The following GPR62 variants were observed in gnomAD, a reference collection of about 807,000 sequenced individuals.
The protein encoded by GPR62 is G protein-coupled receptor 62.
For missense variants in GPR62, 513 were observed against 541.5 expected (o/e 0.95, Z 0.52); for synonymous variants, 280 against 286.9 (o/e 0.98, Z 0.24).
chr3:51,956,425 G>T lies in GPR62; in HGVS notation c.773G>T (p.Gly258Val). ...TTTGCAGCCTGCTGGCTGCCTTATG[G>T]CTGCGCGTGCCTGGCGCCCGCAGCG... ...GQFAACWLPYGCACLAPAARA... is the reference protein window; with the variant it reads ...GQFAACWLPYVCACLAPAARA... The change falls in exon 1 of 1, where the codon GGC becomes GTC. Residue 258 changes from glycine (G) to valine (V), a missense_variant. Gly to Val is a moderately radical substitution (Grantham distance 109). Transcript: ENST00000322241. 1 of 1,528,122 alleles carries T rather than the reference G, an allele frequency of 6.5e-7. No homozygotes were observed. The highest frequency in any genetic ancestry group is 8.7e-7 in the Non-Finnish European group (1 of 1,145,044). The allele number at this position is 1,528,122 out of a possible 1,614,324, so 94.7% of individuals were successfully genotyped here.
chr3:51,956,162 G>T lies in GPR62; in HGVS notation c.510G>T (p.Gly170=). The change falls in exon 1 of 1, where the codon GGG becomes GGT. Residue 170 remains glycine (G), a synonymous_variant. Transcript: ENST00000322241. ...ARCSVLAGGL[G]PFRPLWALLA... is the part of the protein sequence containing the mutation. ...GCTCGGTCCTGGCTGGGGGCCTCGG[G>T]CCCTTCCGGCCGCTCTGGGCCCTGC... 6.8e-7 allele frequency: 1 copy of T among 1,478,172 alleles called. No individual in the cohort carries two copies. The allele number at this position is 1,478,172 out of a possible 1,614,324, so 91.6% of individuals were successfully genotyped here.
chr3:51,957,111 G>A lies in GPR62; in HGVS notation c.*352G>A, dbSNP rs369873104. On this transcript the variant is annotated 3_prime_UTR_variant, in exon 1 of 1. Coordinates refer to ENST00000322241, the MANE Select transcript of GPR62 (RefSeq NM_080865.4). ...TAAGGGCTCACAACCAAAGTGATCC[G>A]CCAAGCAGGGCAGTATCTGGGTTAC... The A allele has an allele frequency of 3.5e-5, 10 of 288,594 alleles. No individual in the cohort carries two copies. The South Asian group carries it at 4.2e-4, about 12-fold the overall frequency. 17.9% of individuals were successfully genotyped at this position (288,594 alleles called of 1,614,324 possible). A position where few individuals can be genotyped will look rare whatever the true frequency, so the allele number is the denominator to read the frequency against.
rs747162776 is a variant in GPR62 at position 51,955,868 on chromosome 3, C to T, written c.216C>T (p.Ala72=). 43 of 1,418,274 alleles carry T rather than the reference C, an allele frequency of 3.0e-5. No individual in the cohort carries two copies. The African/African-American group carries it at 5.9e-4, about 19-fold the overall frequency. The allele number at this position is 1,418,274 out of a possible 1,614,324, so 87.9% of individuals were successfully genotyped here. The stretch of plus-strand genomic sequence containing the variant: ...CCATCATGCCGCTGGGCCTGCTGGC[C>T]GCACCGCCGCCCGGGCTGGGCCGCG... The part of the protein sequence containing the change: ...AASIMPLGLL[A]APPPGLGRVR... The change falls in exon 1 of 1, where the codon GCC becomes GCT. Residue 72 remains alanine, a synonymous_variant. Transcript: ENST00000322241.
rs1261478243 is a variant in GPR62 at position 51,956,491 on chromosome 3, A to T, written c.839A>T (p.Tyr280Phe). ...GAAGCGGCTGTCACCTGGGTCGCCTACTCGGCCTTCGCGGCTCACCCCTTC... is the reference window on the plus strand; with the variant it reads ...GAAGCGGCTGTCACCTGGGTCGCCTTCTCGGCCTTCGCGGCTCACCCCTTC... ...EAEAAVTWVAYSAFAAHPFLY... is the reference protein window; with the variant it reads ...EAEAAVTWVAFSAFAAHPFLY... The change falls in exon 1 of 1, where the codon TAC becomes TTC. Residue 280 changes from tyrosine (Y) to phenylalanine (F), a missense_variant. Tyr to Phe is a conservative substitution (Grantham distance 22, BLOSUM62 3). Transcript: ENST00000322241. 9 of 1,582,184 alleles carry T rather than the reference A, an allele frequency of 5.7e-6. No individual in the cohort carries two copies.
chr3:51,955,873 C>G lies in GPR62; in HGVS notation c.221C>G (p.Pro74Arg). 7.1e-7 allele frequency: 1 copy of G among 1,406,118 alleles called. No individual in the cohort carries two copies. The highest frequency in any genetic ancestry group is 9.2e-7 in the Non-Finnish European group (1 of 1,089,098). 87.1% of individuals were successfully genotyped at this position (1,406,118 alleles called of 1,614,324 possible). Residue 74 changes from proline to arginine, a missense_variant, in exon 1 of 1, where the codon CCG becomes CGG. Coordinates refer to ENST00000322241, the MANE Select transcript of GPR62 (RefSeq NM_080865.4). ...SIMPLGLLAA[P>R]PPGLGRVRLG... ...ATGCCGCTGGGCCTGCTGGCCGCAC[C>G]GCCGCCCGGGCTGGGCCGCGTGCGC...
Position 51,955,936 on chromosome 3 carries a change from C to A in GPR62, c.284C>A (p.Ser95Tyr). The A allele has an allele frequency of 7.2e-7, 1 of 1,394,752 alleles. No individual in the cohort carries two copies. Among genetic ancestry groups the A allele is most frequent in the Non-Finnish European group, 9.3e-7 (1 of 1,072,710 alleles). The allele number at this position is 1,394,752 out of a possible 1,614,324, so 86.4% of individuals were successfully genotyped here. A position where few individuals can be genotyped will look rare whatever the true frequency, so the allele number is the denominator to read the frequency against. ...PAPCRAARFL[S>Y]AALLPACTLG... is the part of the protein sequence containing the mutation. ...CCATGCCGCGCCGCTCGCTTCCTCTCCGCCGCTCTGCTGCCGGCCTGCACG... is the reference window on the plus strand; with the variant it reads ...CCATGCCGCGCCGCTCGCTTCCTCTACGCCGCTCTGCTGCCGGCCTGCACG... Residue 95 changes from serine to tyrosine, a missense_variant, in exon 1 of 1, where the codon TCC becomes TAC. Coordinates refer to ENST00000322241, the MANE Select transcript of GPR62 (RefSeq NM_080865.4).
chr3:51,957,091 G>T lies in GPR62; in HGVS notation c.*332G>T. 2.9e-6 allele frequency: 1 copy of T among 346,094 alleles called. No individual in the cohort carries two copies. Among genetic ancestry groups the T allele is most frequent in the East Asian group, 5.0e-5 (1 of 20,164 alleles). The allele number at this position is 346,094 out of a possible 1,614,324, so 21.4% of individuals were successfully genotyped here. On this transcript the variant is annotated 3_prime_UTR_variant, in exon 1 of 1. Transcript: ENST00000322241. The stretch of plus-strand genomic sequence containing the variant: ...TGTCACAAAGAAGAGGGCCCTAAGG[G>T]CTCACAACCAAAGTGATCCGCCAAG...
chr3:51,956,012 G>C lies in GPR62; in HGVS notation c.360G>C (p.Pro120=). The C allele has an allele frequency of 7.0e-7, 1 of 1,432,032 alleles. No individual in the cohort carries two copies. The highest frequency in any genetic ancestry group is 1.5e-5 in the African/African-American group (1 of 66,866). 88.7% of individuals were successfully genotyped at this position (1,432,032 alleles called of 1,614,324 possible). Residue 120 remains proline, a synonymous_variant, in exon 1 of 1, where the codon CCG becomes CCC. Coordinates refer to ENST00000322241, the MANE Select transcript of GPR62 (RefSeq NM_080865.4). ...GLARYRLIVH[P]LRPGSRPPPV... is the part of the protein sequence containing the mutation. ...CACGCTACCGCCTCATCGTGCACCC[G>C]CTGCGGCCAGGCTCGCGGCCGCCGC...
At position 51,956,523 on chromosome 3, in the gene GPR62, G is replaced by A. The variant is rs1024368314; in HGVS notation, c.871G>A (p.Gly291Arg). Residue 291 changes from glycine (G) to arginine (R), a missense_variant, in exon 1 of 1, where the codon GGG (glycine) becomes AGG (arginine). Gly to Arg is a moderately radical substitution (Grantham distance 125). Transcript: ENST00000322241. ...CTTCGCGGCTCACCCCTTCCTGTAC[G>A]GGCTGCTGCAGCGCCCCGTGCGCTT... The part of the protein sequence containing the change: ...SAFAAHPFLY[G>R]LLQRPVRLAL... 4 of 1,603,358 alleles carry A rather than the reference G, an allele frequency of 2.5e-6. No individual in the cohort carries two copies. Among genetic ancestry groups the A allele is most frequent in the African/African-American group, 2.7e-5 (2 of 74,786 alleles).
rs778320059 is a variant in GPR62 at position 51,956,683 on chromosome 3, C to T, written c.1031C>T (p.Ala344Val). The stretch of plus-strand genomic sequence containing the variant: ...GGCCCTGCCGTAGGCCCTTCTGAGG[C>T]TCCAGAACAGACCCCCGAGTTGGCA... ...PEGPAVGPSE[A>V]PEQTPELAGG... is the part of the protein sequence containing the mutation. Residue 344 changes from alanine (A) to valine (V), a missense_variant, in exon 1 of 1, where the codon GCT (alanine) becomes GTT (valine). Physicochemically the swap from Ala to Val is moderately conservative, Grantham distance 64. Coordinates refer to ENST00000322241, the MANE Select transcript of GPR62 (RefSeq NM_080865.4). 7 of 1,612,944 alleles carry T rather than the reference C, an allele frequency of 4.3e-6. No homozygotes were observed. The highest frequency in any genetic ancestry group is 5.1e-6 in the Non-Finnish European group (6 of 1,179,958).
In GPR62 at chr3:51,956,693, G is replaced by T; in HGVS notation, c.1041G>T (p.Gln347His). The T allele has an allele frequency of 6.2e-7, 1 of 1,612,834 alleles. No individual in the cohort carries two copies. The highest frequency in any genetic ancestry group is 2.2e-5 in the East Asian group (1 of 44,884). ...PAVGPSEAPE[Q>H]TPELAGGRSP... The stretch of plus-strand genomic sequence containing the variant: ...TAGGCCCTTCTGAGGCTCCAGAACA[G>T]ACCCCCGAGTTGGCAGGAGGGCGGA... Residue 347 changes from glutamine (Q) to histidine (H), a missense_variant, in exon 1 of 1, where the codon CAG (glutamine) becomes CAT (histidine). Physicochemically the swap from Gln to His is conservative, Grantham distance 24. Coordinates refer to ENST00000322241, the MANE Select transcript of GPR62 (RefSeq NM_080865.4).
chr3:51,956,932 CA>C lies in GPR62; in HGVS notation c.*174del. Reference sequence around the variant, plus strand: ...ATCCTGCGGTCTGGGCCCAACACTGCATAGCACTGTGCATAGGCCGACCCTT... The same window carrying C: ...ATCCTGCGGTCTGGGCCCAACACTGCTAGCACTGTGCATAGGCCGACCCTT... On this transcript the variant is annotated 3_prime_UTR_variant, in exon 1 of 1. Transcript: ENST00000322241. The C allele has an allele frequency of 1.7e-6, 2 of 1,211,830 alleles. No homozygotes were observed. Among genetic ancestry groups the C allele is most frequent in the Non-Finnish European group, 2.3e-6 (2 of 888,440 alleles). 75.1% of individuals were successfully genotyped at this position (1,211,830 alleles called of 1,614,324 possible). A position where few individuals can be genotyped will look rare whatever the true frequency, so the allele number is the denominator to read the frequency against.
chr3:51,956,099 C>G lies in GPR62; in HGVS notation c.447C>G (p.Leu149=). Residue 149 remains leucine, a synonymous_variant, in exon 1 of 1, where the codon CTC becomes CTG. Coordinates refer to ENST00000322241, the MANE Select transcript of GPR62 (RefSeq NM_080865.4). ...GACTGCTGGGCGCGCTCTCCCTGCT[C>G]GGCACGCCGCCCGCACCGCCCCCTG... The part of the protein sequence containing the change: ...AAGLLGALSL[L]GTPPAPPPAP... 1 of 1,435,094 alleles carries G rather than the reference C, an allele frequency of 7.0e-7. No individual in the cohort carries two copies. Among genetic ancestry groups the G allele is most frequent in the Non-Finnish European group, 9.1e-7 (1 of 1,100,092 alleles). 88.9% of individuals were successfully genotyped at this position (1,435,094 alleles called of 1,614,324 possible).
In GPR62 at chr3:51,955,981, G is replaced by A; in HGVS notation, c.329G>A (p.Gly110Asp). 5 of 1,431,574 alleles carry A rather than the reference G, an allele frequency of 3.5e-6. 1 individual carries two copies. The Middle Eastern group carries it at 7.5e-4, about 215-fold the overall frequency. 88.7% of individuals were successfully genotyped at this position (1,431,574 alleles called of 1,614,324 possible). A position where few individuals can be genotyped will look rare whatever the true frequency, so the allele number is the denominator to read the frequency against. Residue 110 changes from glycine (G) to aspartate (D), a missense_variant, in exon 1 of 1, where the codon GGC becomes GAC. Gly to Asp is a moderately conservative substitution (Grantham distance 94). Transcript: ENST00000322241. ...TGCACGCTCGGGGTGGCCGCACTTGGCCTGGCACGCTACCGCCTCATCGTG... is the reference window on the plus strand; with the variant it reads ...TGCACGCTCGGGGTGGCCGCACTTGACCTGGCACGCTACCGCCTCATCGTG... ...PACTLGVAAL[G>D]LARYRLIVHP...
rs779048603 is a variant in GPR62, at chr3:51,955,676, C to G, written c.24C>G (p.Asn8Lys). 1 of 1,609,234 alleles carries G rather than the reference C, an allele frequency of 6.2e-7. No homozygotes were observed. The highest frequency in any genetic ancestry group is 2.2e-5 in the East Asian group (1 of 44,490). The part of the protein sequence containing the change: MANSTGL[N>K]ASEVAGSLGL... ...AAATGGCCAACTCCACAGGGCTGAACGCCTCAGAAGTCGCAGGCTCGTTGG... is the reference window on the plus strand; with the variant it reads ...AAATGGCCAACTCCACAGGGCTGAAGGCCTCAGAAGTCGCAGGCTCGTTGG... Residue 8 changes from asparagine to lysine, a missense_variant, in exon 1 of 1, where the codon AAC becomes AAG. By Grantham distance (94) the Asn-to-Lys change is moderately conservative. Transcript: ENST00000322241.
chr3:51,956,395 G>A lies in GPR62; in HGVS notation c.743G>A (p.Gly248Asp), dbSNP rs1699846795. 1 of 1,527,578 alleles carries A rather than the reference G, an allele frequency of 6.5e-7. No homozygotes were observed. Among genetic ancestry groups the A allele is most frequent in the Non-Finnish European group, 8.7e-7 (1 of 1,145,974 alleles). 94.6% of individuals were successfully genotyped at this position (1,527,578 alleles called of 1,614,324 possible). Residue 248 changes from glycine to aspartate, a missense_variant, in exon 1 of 1, where the codon GGC becomes GAC. Coordinates refer to ENST00000322241, the MANE Select transcript of GPR62 (RefSeq NM_080865.4). ...KAALAPALAV[G>D]QFAACWLPYG... ...GCCCTGGCCCCAGCGCTGGCCGTGGGCCAATTTGCAGCCTGCTGGCTGCCT... is the reference window on the plus strand; with the variant it reads ...GCCCTGGCCCCAGCGCTGGCCGTGGACCAATTTGCAGCCTGCTGGCTGCCT...
chr3:51,956,702 G>T lies in GPR62; in HGVS notation c.1050G>T (p.Glu350Asp), dbSNP rs201619775. The T allele has an allele frequency of 2.4e-5, 38 of 1,612,468 alleles. No individual in the cohort carries two copies. Among genetic ancestry groups the T allele is most frequent in the Non-Finnish European group, 1.7e-5 (20 of 1,179,772 alleles). ...CTGAGGCTCCAGAACAGACCCCCGAGTTGGCAGGAGGGCGGAGCCCCGCAT... is the reference window on the plus strand; with the variant it reads ...CTGAGGCTCCAGAACAGACCCCCGATTTGGCAGGAGGGCGGAGCCCCGCAT... ...GPSEAPEQTP[E>D]LAGGRSPAYQ... Residue 350 changes from glutamate (E) to aspartate (D), a missense_variant, in exon 1 of 1, where the codon GAG becomes GAT. Coordinates refer to ENST00000322241, the MANE Select transcript of GPR62 (RefSeq NM_080865.4).
chr3:51,956,851 G>A lies in GPR62; in HGVS notation c.*92G>A, dbSNP rs536948373. On this transcript the variant is annotated 3_prime_UTR_variant, in exon 1 of 1. Coordinates refer to ENST00000322241, the MANE Select transcript of GPR62 (RefSeq NM_080865.4). ...CTGCTGGATATCTGGGTCTGGAACA[G>A]GAGGAGAAAGGGTGTCTGCTGCCTG... The A allele has an allele frequency of 1.4e-6, 2 of 1,470,836 alleles. No homozygotes were observed. The highest frequency in any genetic ancestry group is 2.8e-5 in the African/African-American group (2 of 70,596). The allele number at this position is 1,470,836 out of a possible 1,614,324, so 91.1% of individuals were successfully genotyped here.
chr3:51,957,110 C>T lies in GPR62; in HGVS notation c.*351C>T, dbSNP rs576006179. ...CTAAGGGCTCACAACCAAAGTGATC[C>T]GCCAAGCAGGGCAGTATCTGGGTTA... On this transcript the variant is annotated 3_prime_UTR_variant, in exon 1 of 1. Transcript: ENST00000322241. The T allele has an allele frequency of 7.4e-4, 216 of 293,820 alleles. 1 individual carries two copies. Among genetic ancestry groups the T allele is most frequent in the Non-Finnish European group, 1.2e-3 (188 of 150,962 alleles). The allele number at this position is 293,820 out of a possible 1,614,324, so 18.2% of individuals were successfully genotyped here.
Sources: gnomAD v4.1 joint callset for allele counts on GRCh38, gnomAD v4.1.1 for gene constraint, MANE v1.5 for transcripts, NCBI Gene and HGNC (gene_info 2026-07-23, HGNC 2026-07-21) for gene names.